ADAMTSL1: variants seen among roughly 807,000 people sequenced by gnomAD.
ADAMTSL1 encodes ADAMTS-like protein 1.
A neutral mutation model predicts 201.8 loss-of-function variants in ADAMTSL1; 126 were observed. That is an observed-to-expected ratio of 0.62 (90% CI 0.54 to 0.72). The LOEUF (loss-of-function observed/expected upper bound fraction) is 0.72, where lower values mean the gene tolerates loss of function less well. Among genes scored for constraint, ADAMTSL1 ranks in the 30% least tolerant of loss-of-function variants. The pLI is 0.00. For synonymous variants in ADAMTSL1, 1,121 were observed against 903.4 expected, an observed-to-expected ratio of 1.24 and a Z score of -4.32; for missense variants, 2,679 against 2,277.8, an observed-to-expected ratio of 1.18 and a Z score of -3.59.
At chr9:18,096,297 G>T (rs72699409) in intron 1 of ADAMTSL1, among the ~76,000 whole-genome samples, 407 of 152,196 alleles carry the variant, frequency 2.7e-3, no homozygotes, top group African/African-American at 9.4e-3. Flanking sequence ...AGTAATTACC[G>T]TATTCCCTTC....
At chr9:18,826,530 A>G in intron 22 of ADAMTSL1, 67 bp downstream of exon 22, 3 of 1,529,498 alleles carry the variant, frequency 2.0e-6, no homozygotes, top group East Asian at 2.4e-5. Context: ...CCCACCCTCT[A>G]CCTCCTTTGT....
At chr9:18,059,233 C>T (rs1300279337) in intron 1 of ADAMTSL1, among the ~76,000 whole-genome samples, 1 of 152,130 alleles carries the variant, frequency 6.6e-6, no homozygotes, top group Non-Finnish European at 1.5e-5. Context: ...CACTATCGGA[C>T]TGTTAACTCC....
intron 15 of ADAMTSL1, chr9:18,722,924 G>T: frequency 1.4e-6 from 1 of 723,038 alleles, no homozygotes; most frequent in Non-Finnish European, 2.6e-6. Flanking sequence ...CCACATTTCT[G>T]TCCTAACTTC....
At chr9:18,780,948 A>G (rs1309271939) in intron 19 of ADAMTSL1, among the ~76,000 whole-genome samples, 1 of 152,200 alleles carries the variant, frequency 6.6e-6, no homozygotes, top group Non-Finnish European at 1.5e-5. Context: ...CCAAGTGGAC[A>G]ATATAGTATG....
At chr9:18,689,763 C>T (rs563276848) in intron 13 of ADAMTSL1, among the ~76,000 whole-genome samples, 9 of 152,164 alleles carry the variant, frequency 5.9e-5, no homozygotes, top group African/African-American at 1.9e-4. Flanking sequence ...TCCAGATATT[C>T]CCTTGTTAAA....
chr9:18,750,249 G>A lies in ADAMTSL1; in HGVS notation c.2007-3049G>A, dbSNP rs138670382. On this transcript the variant is annotated intron_variant, in intron 15 of 28. Transcript: ENST00000380548. ...GACCCAGATCCAGCCCCTAGATCTA[G>A]CAAACACCCCAGAAGCCCACCCCAC... Among the ~76,000 whole-genome samples, 607 of 152,204 alleles carry A rather than the reference G, an allele frequency of 4.0e-3. 21 individuals are homozygous for A. The highest frequency in any genetic ancestry group is 0.038 in the Admixed American group (579 of 15,292).
At chr9:18,729,702 C>T (rs1818102845) in intron 15 of ADAMTSL1, among the ~76,000 whole-genome samples, 1 of 152,156 alleles carries the variant, frequency 6.6e-6, no homozygotes, top group Non-Finnish European at 1.5e-5. Flanking sequence ...ATGAACAAGA[C>T]CCACTTTGTT....
At chr9:18,528,756 T>C (rs757843535) in intron 2 of ADAMTSL1, among the ~76,000 whole-genome samples, 11 of 152,224 alleles carry the variant, frequency 7.2e-5, no homozygotes, top group Non-Finnish European at 1.2e-4. Flanking sequence ...GAGTTCATAA[T>C]TGATATAGTT....
intron 23 of ADAMTSL1, among the ~76,000 whole-genome samples, chr9:18,872,940 C>T (rs534362507): frequency 6.6e-6 from 1 of 152,228 alleles, no homozygotes; most frequent in South Asian, 2.1e-4. Context: ...GTTCCACCAG[C>T]AGTGTAAAAG....
intron 1 of ADAMTSL1, among the ~76,000 whole-genome samples, chr9:17,913,183 T>C (rs1588403945): frequency 6.6e-6 from 1 of 152,262 alleles, no homozygotes; most frequent in South Asian, 2.1e-4. Context: ...ATGTGGGCTC[T>C]TTTTTGGTTC....
chr9:18,273,304 C>G (rs79384349), intron 2 of ADAMTSL1, among the ~76,000 whole-genome samples: 5,197 of 151,928 alleles, frequency 0.034, 308 homozygotes, highest in African/African-American at 0.12. Flanking sequence ...TAGTCTCAAA[C>G]TCCCAACCTC....
Position 18,777,631 on chromosome 9 carries a change from T to A in ADAMTSL1, c.3402T>A (p.Pro1134=), listed in dbSNP as rs1821136156. 6.2e-7 allele frequency: 1 copy of A among 1,613,552 alleles called. No homozygotes were observed. Among genetic ancestry groups the A allele is most frequent in the Non-Finnish European group, 8.5e-7 (1 of 1,179,850 alleles). ...GGACTTCCCCAGTGACTCTCTCGCC[T>A]CATAAACACGTGTCTGGCTTCAGCA... is the stretch of plus-strand genomic sequence containing the variant. ...ERRTSPVTLS[P]HKHVSGFSSS... is the part of the protein sequence containing the mutation. Residue 1134 remains proline (P), a synonymous_variant, in exon 19 of 29, where the codon CCT becomes CCA. Transcript: ENST00000380548.
chr9:18,223,156 T>C (rs1363108974), intron 2 of ADAMTSL1, among the ~76,000 whole-genome samples: 1 of 152,104 alleles, frequency 6.6e-6, no homozygotes, highest in Non-Finnish European at 1.5e-5. Flanking sequence ...CAGTATTACA[T>C]GTTGAGCATC....
At chr9:18,740,492 T>TTTTTTTG (rs1564195525) in intron 15 of ADAMTSL1, among the ~76,000 whole-genome samples, 8 of 140,504 alleles carry the variant, frequency 5.7e-5, no homozygotes, top group South Asian at 2.3e-4. Context: ...TTTTTTTTTT[T>TTTTTTTG]TTTGAGAGGA....
In ADAMTSL1 at chr9:18,445,024, T is replaced by C. The variant is rs150997230; in HGVS notation, c.208-59805T>C. Among the ~76,000 whole-genome samples, 222 of 152,198 alleles carry C rather than the reference T, an allele frequency of 1.5e-3. 2 individuals carry two copies. Among genetic ancestry groups the C allele is most frequent in the African/African-American group, 5.0e-3 (208 of 41,550 alleles). On this transcript the variant is annotated intron_variant, in intron 2 of 29. Transcript: ENST00000680146. Reference sequence around the variant, plus strand: ...TATTTGCCTAAGGTCAAATAGAATGTTATAGATTCAGGATTCAAACCCAGT... The same window carrying C: ...TATTTGCCTAAGGTCAAATAGAATGCTATAGATTCAGGATTCAAACCCAGT...
At chr9:18,813,720 G>A (rs913881110) in intron 20 of ADAMTSL1, among the ~76,000 whole-genome samples, 1 of 152,198 alleles carries the variant, frequency 6.6e-6, no homozygotes, top group African/African-American at 2.4e-5. Context: ...TAGTAAAGTT[G>A]TAGGGTTTTC....
At chr9:18,015,614 GT>G (rs1167725571) in intron 1 of ADAMTSL1, among the ~76,000 whole-genome samples, 1 of 152,028 alleles carries the variant, frequency 6.6e-6, no homozygotes, top group Non-Finnish European at 1.5e-5. Flanking sequence ...CCATTTTACA[GT>G]TGATAAAACA....
chr9:18,677,042 T>C (rs1455393825), intron 10 of ADAMTSL1, among the ~76,000 whole-genome samples: 1 of 152,068 alleles, frequency 6.6e-6, no homozygotes. Flanking sequence ...CACATGTATA[T>C]ACACATCTAT....
intron 2 of ADAMTSL1, among the ~76,000 whole-genome samples, chr9:18,516,964 CT>C (rs1818397192): frequency 6.6e-6 from 1 of 152,188 alleles, no homozygotes; most frequent in African/African-American, 2.4e-5. Flanking sequence ...GATTGGAGAA[CT>C]TTTGTCTCTA....
Sources: gnomAD v4.1 joint callset for allele counts (sites outside exome capture counted in the v4.1 genomes callset) on GRCh38, gnomAD v4.1.1 for gene constraint, MANE v1.5 for transcripts, NCBI Gene and HGNC (gene_info 2026-07-23, HGNC 2026-07-21) for gene names.